Variants in LRRTM4 observed in about 807,000 individuals in gnomAD.
LRRTM4 encodes leucine rich repeat transmembrane neuronal 4.
LRRTM4 carries 25 observed loss-of-function variants against 47.6 expected under a neutral mutation model. That is an observed-to-expected ratio of 0.53 (90% confidence interval 0.38 to 0.73). The LOEUF (loss-of-function observed/expected upper bound fraction) is 0.73. Ranked by LOEUF, LRRTM4 falls within the 30% of genes least tolerant of loss-of-function variation. The probability of loss-of-function intolerance (pLI) is 0.00; values close to 1 mark genes in which losing one functional copy is unlikely to be tolerated. For missense variants in LRRTM4, 638 were observed against 713.4 expected (o/e 0.89, Z 1.20); for synonymous variants, 311 against 269.5 (o/e 1.15, Z -1.51).
intron 3 of LRRTM4, among the ~76,000 whole-genome samples, chr2:77,483,239 T>G (rs1677785546): frequency 1.3e-5 from 2 of 152,000 alleles, no homozygotes; most frequent in African/African-American, 4.8e-5. Flanking sequence ...ATAAGTAACT[T>G]TTTCACTATA....
chr2:76,974,848 TA>T (rs1282313253), intron 3 of LRRTM4, among the ~76,000 whole-genome samples: 1 of 151,790 alleles, frequency 6.6e-6, no homozygotes, highest in African/African-American at 2.4e-5. Flanking sequence ...CTCTTTTTTT[TA>T]ATTGGAGGAA....
chr2:77,081,758 G>A (rs564296667), intron 3 of LRRTM4, among the ~76,000 whole-genome samples: 1 of 152,110 alleles, frequency 6.6e-6, no homozygotes, highest in Non-Finnish European at 1.5e-5. Flanking sequence ...TGATAATGCT[G>A]CACACTGAAA....
intron 3 of LRRTM4, among the ~76,000 whole-genome samples, chr2:77,048,138 TAG>T (rs148005583): frequency 6.6e-6 from 1 of 152,130 alleles, no homozygotes; most frequent in East Asian, 1.9e-4. Flanking sequence ...GATATTATGT[TAG>T]GGAAAAAATG....
chr2:77,236,753 A>C (rs1202552068), intron 3 of LRRTM4, among the ~76,000 whole-genome samples: 1 of 151,960 alleles, frequency 6.6e-6, no homozygotes, highest in African/African-American at 2.4e-5. Flanking sequence ...TTTTATTGAA[A>C]GCTTTTTCTG....
chr2:76,794,412 A>G (rs1327970470), intron 3 of LRRTM4, among the ~76,000 whole-genome samples: 2 of 152,168 alleles, frequency 1.3e-5, no homozygotes, highest in African/African-American at 4.8e-5. Flanking sequence ...TATATGACTA[A>G]TCGGCTTTAC....
intron 3 of LRRTM4, among the ~76,000 whole-genome samples, chr2:77,033,247 T>C (rs868586797): frequency 6.6e-6 from 1 of 151,990 alleles, no homozygotes; most frequent in Admixed American, 6.6e-5. Flanking sequence ...CACATGCATT[T>C]ATTATTTTAA....
chr2:76,985,536 G>A (rs770121770), intron 3 of LRRTM4, among the ~76,000 whole-genome samples: 7 of 151,928 alleles, frequency 4.6e-5, no homozygotes, highest in African/African-American at 1.7e-4. Context: ...ATAACCCAGA[G>A]CCGGGTGAAA....
chr2:77,208,960 A>G (rs926323159), intron 3 of LRRTM4, among the ~76,000 whole-genome samples: 2 of 152,190 alleles, frequency 1.3e-5, no homozygotes, highest in Admixed American at 1.3e-4. Flanking sequence ...TCTGTGATTC[A>G]GTACTCACTT....
chr2:77,483,737 A>G (rs1042415252), intron 3 of LRRTM4, among the ~76,000 whole-genome samples: 5 of 152,176 alleles, frequency 3.3e-5, no homozygotes, highest in Non-Finnish European at 7.4e-5. Flanking sequence ...ATCTGAATTA[A>G]TGTGGATCAA....
intron 3 of LRRTM4, among the ~76,000 whole-genome samples, chr2:77,036,449 T>A (rs1045223630): frequency 1.3e-5 from 2 of 151,694 alleles, no homozygotes; most frequent in Admixed American, 1.3e-4. Context: ...ACTTTAAGGA[T>A]CTTGCTCAGA....
At chr2:77,259,337 A>G (rs771776599) in intron 3 of LRRTM4, among the ~76,000 whole-genome samples, 18 of 152,090 alleles carry the variant, frequency 1.2e-4, no homozygotes, top group South Asian at 4.1e-4. Context: ...ATGAGTGTCA[A>G]TTGAGACAAT....
chr2:77,350,194 C>G (rs11677909), intron 3 of LRRTM4, among the ~76,000 whole-genome samples: 3 of 149,160 alleles, frequency 2.0e-5, no homozygotes, highest in Admixed American at 6.7e-5. Flanking sequence ...GGCGCGGTGG[C>G]GGGCGCCTGT....
intron 3 of LRRTM4, among the ~76,000 whole-genome samples, chr2:77,432,231 A>G (rs1675408406): frequency 6.6e-6 from 1 of 152,184 alleles, no homozygotes; most frequent in South Asian, 2.1e-4. Flanking sequence ...AAAGCTCCAC[A>G]TAGCCCTGCC....
chr2:77,490,741 C>T (rs772658215), intron 3 of LRRTM4, among the ~76,000 whole-genome samples: 1 of 152,190 alleles, frequency 6.6e-6, no homozygotes, highest in Non-Finnish European at 1.5e-5. Context: ...AGAGTTGCTG[C>T]TGATCTAAGA....
intron 3 of LRRTM4, among the ~76,000 whole-genome samples, chr2:77,375,064 A>T (rs1672783689): frequency 6.6e-6 from 1 of 151,698 alleles, no homozygotes; most frequent in Non-Finnish European, 1.5e-5. Flanking sequence ...TTTAAAAGTC[A>T]TACATTCACT....
chr2:77,382,641 C>A (rs755909183), intron 3 of LRRTM4, among the ~76,000 whole-genome samples: 30 of 152,090 alleles, frequency 2.0e-4, no homozygotes, highest in Admixed American at 1.0e-3. Flanking sequence ...CAATTAGGAA[C>A]TTATTCTCAC....
chr2:76,950,061 A>G (rs1291155487), intron 3 of LRRTM4, among the ~76,000 whole-genome samples: 1 of 151,968 alleles, frequency 6.6e-6, no homozygotes, highest in Non-Finnish European at 1.5e-5. Flanking sequence ...CATGATTCAA[A>G]CAAAGAGAAA....
chr2:76,978,847 G>C (rs942499792), intron 3 of LRRTM4, among the ~76,000 whole-genome samples: 1 of 152,050 alleles, frequency 6.6e-6, no homozygotes, highest in Non-Finnish European at 1.5e-5. Context: ...ACAATGCAGT[G>C]TCTTACCTTT....
intron 3 of LRRTM4, among the ~76,000 whole-genome samples, chr2:77,188,235 C>A (rs1012948307): frequency 6.6e-6 from 1 of 152,154 alleles, no homozygotes; most frequent in African/African-American, 2.4e-5. Flanking sequence ...AGAGACTACA[C>A]TCATCTCTTG....
Sources: allele counts gnomAD v4.1 joint callset (sites outside exome capture counted in the v4.1 genomes callset), GRCh38; gene constraint gnomAD v4.1.1; transcripts MANE v1.5; gene names NCBI Gene and HGNC (gene_info 2026-07-23, HGNC 2026-07-21).